The following EYS variants were observed in gnomAD, a reference collection of about 807,000 sequenced individuals.
EYS encodes EGF-like photoreceptor maintenance factor.
A neutral mutation model predicts 282.1 loss-of-function variants in EYS; 250 were observed. The observed-to-expected ratio is 0.89, with a 90% CI of 0.80 to 0.98. The LOEUF is 0.98. Ranked by LOEUF, EYS falls within the 50% of genes least tolerant of loss-of-function variation. The pLI, the probability that EYS is intolerant of heterozygous loss-of-function variation, is 0.00. For missense variants in EYS, 4,016 were observed against 3,709.0 expected (o/e 1.08, Z -2.15); for synonymous variants, 1,355 against 1,282.9 (o/e 1.06, Z -1.20).
chr6:64,683,028 G>T (rs988042905), intron 22 of EYS, among the ~76,000 whole-genome samples: 1 of 152,198 alleles, frequency 6.6e-6, no homozygotes, highest in Non-Finnish European at 1.5e-5. Context: ...AGAGCATGAG[G>T]ATATAGAAGG....
intron 29 of EYS, among the ~76,000 whole-genome samples, chr6:64,371,133 C>G (rs570776707): frequency 4.2e-4 from 64 of 151,974 alleles, no homozygotes; most frequent in Non-Finnish European, 6.6e-4. Flanking sequence ...ATCTTCCTAA[C>G]TTTTTGATGT....
At chr6:64,973,797 G>A (rs147252887) in intron 14 of EYS, among the ~76,000 whole-genome samples, 1,832 of 151,874 alleles carry the variant, frequency 0.012, 39 homozygotes, top group African/African-American at 0.042. Context: ...TGCATTTTTC[G>A]TAAAGCAGGC....
chr6:64,962,592 A>G (rs1562277823), intron 14 of EYS, among the ~76,000 whole-genome samples: 1 of 151,798 alleles, frequency 6.6e-6, no homozygotes, highest in African/African-American at 2.4e-5. Flanking sequence ...AAGAAAAAAA[A>G]AGCTTGTCAT....
At chr6:64,211,851 C>T (rs1463829178) in intron 31 of EYS, among the ~76,000 whole-genome samples, 2 of 151,894 alleles carry the variant, frequency 1.3e-5, no homozygotes, top group East Asian at 3.9e-4. Flanking sequence ...TACGGTGGCT[C>T]ACACCTGTAA....
At chr6:64,878,110 G>A (rs1028051953) in intron 19 of EYS, among the ~76,000 whole-genome samples, 11 of 152,032 alleles carry the variant, frequency 7.2e-5, no homozygotes, top group African/African-American at 1.4e-4. Context: ...GCGAGCACCC[G>A]TAATCCCAGC....
At chr6:64,598,198 C>T (rs965870896) in intron 24 of EYS, among the ~76,000 whole-genome samples, 7 of 152,170 alleles carry the variant, frequency 4.6e-5, no homozygotes, top group South Asian at 2.1e-4. Context: ...TGGTGGCTCA[C>T]GCCTGTAATC....
At chr6:64,523,474 A>T (rs1020502983) in intron 26 of EYS, among the ~76,000 whole-genome samples, 7 of 151,802 alleles carry the variant, frequency 4.6e-5, no homozygotes, top group African/African-American at 1.7e-4. Flanking sequence ...ACAAATCAGG[A>T]AATTTCTACA....
At chr6:64,220,484 T>C (rs1401105377) in intron 31 of EYS, among the ~76,000 whole-genome samples, 1 of 152,178 alleles carries the variant, frequency 6.6e-6, no homozygotes, top group African/African-American at 2.4e-5. Context: ...TACTTTGGGC[T>C]AGAGCCATTG....
At chr6:65,160,974 C>T (rs1764838454) in intron 12 of EYS, among the ~76,000 whole-genome samples, 1 of 149,878 alleles carries the variant, frequency 6.7e-6, no homozygotes, top group African/African-American at 2.4e-5. Flanking sequence ...TATCTCTTCT[C>T]ATCTACACTC....
At chr6:64,453,022 A>G (rs995345014) in intron 26 of EYS, among the ~76,000 whole-genome samples, 7 of 152,210 alleles carry the variant, frequency 4.6e-5, no homozygotes, top group African/African-American at 1.4e-4. Flanking sequence ...ATCTAATTAA[A>G]CTAAAGAGCT....
At chr6:65,269,678 G>T (rs1767846534) in intron 12 of EYS, among the ~76,000 whole-genome samples, 1 of 152,144 alleles carries the variant, frequency 6.6e-6, no homozygotes, top group Admixed American at 6.5e-5. Context: ...CTGGAAAATT[G>T]AGATGAGGGT....
chr6:64,293,646 A>G (rs1049555426), intron 30 of EYS, among the ~76,000 whole-genome samples: 4 of 152,132 alleles, frequency 2.6e-5, no homozygotes, highest in African/African-American at 9.6e-5. Context: ...TGTAAATGCT[A>G]TGTTTCTTGT....
At chr6:64,405,513 A>T (rs1773678407) in intron 28 of EYS, among the ~76,000 whole-genome samples, 1 of 152,208 alleles carries the variant, frequency 6.6e-6, no homozygotes, top group African/African-American at 2.4e-5. Flanking sequence ...AAGTATATTC[A>T]ATTAGCAAAA....
At chr6:64,046,462 A>G (rs1770628613) in intron 33 of EYS, among the ~76,000 whole-genome samples, 2 of 152,096 alleles carry the variant, frequency 1.3e-5, no homozygotes, top group African/African-American at 4.8e-5. Flanking sequence ...GGGAGGACAC[A>G]TGCTGGCTTG....
chr6:65,231,934 T>C (rs937381056), intron 12 of EYS, among the ~76,000 whole-genome samples: 2 of 151,932 alleles, frequency 1.3e-5, no homozygotes, highest in Non-Finnish European at 2.9e-5. Flanking sequence ...AAAACTCACA[T>C]AGCAATTAGT....
At chr6:65,329,471 C>T in intron 11 of EYS, 4 of 967,952 alleles carry the variant, frequency 4.1e-6, no homozygotes, top group Non-Finnish European at 4.9e-6. Context: ...TATGTAAGTG[C>T]CTTAGACAAA....
At chr6:64,626,359 G>T (rs1454209082) in intron 22 of EYS, 114 bp from the exon 23 acceptor site, 7 of 1,273,052 alleles carry the variant, frequency 5.5e-6, no homozygotes, top group Non-Finnish European at 7.4e-6. Flanking sequence ...ACAACATGTA[G>T]CTGGGAGCCT....
intron 24 of EYS, among the ~76,000 whole-genome samples, chr6:64,616,776 A>G (rs1767287045): frequency 1.3e-5 from 2 of 152,098 alleles, no homozygotes; most frequent in South Asian, 4.1e-4. Flanking sequence ...ATTTAGCCTT[A>G]ATTTCAGTGA....
intron 35 of EYS, among the ~76,000 whole-genome samples, chr6:63,913,693 C>T (rs1463876750): frequency 7.9e-5 from 12 of 152,154 alleles, no homozygotes; most frequent in South Asian, 2.1e-4. Context: ...AGTTTTCTTC[C>T]GTATGTATAT....
Sources: gnomAD v4.1 joint callset for allele counts (sites outside exome capture counted in the v4.1 genomes callset) on GRCh38, gnomAD v4.1.1 for gene constraint, MANE v1.5 for transcripts, NCBI Gene and HGNC (gene_info 2026-07-23, HGNC 2026-07-21) for gene names.